Variants in SSBP3 observed in about 807,000 individuals in gnomAD.
SSBP3 encodes single stranded DNA binding protein 3, also known as single-stranded DNA-binding protein 3.
SSBP3 carries 5 observed loss-of-function variants against 69.6 expected under a neutral mutation model. The ratio of observed to expected loss-of-function variants is 0.07; its 90% CI spans 0.04 to 0.15. The LOEUF (loss-of-function observed/expected upper bound fraction) is 0.15. Among genes scored for constraint, SSBP3 ranks in the 10% least tolerant of loss-of-function variants. SSBP3 has a pLI of 1.00. For synonymous variants in SSBP3, 196 were observed against 193.4 expected, an observed-to-expected ratio of 1.01 and a Z score of -0.11; for missense variants, 312 against 534.0, an observed-to-expected ratio of 0.58 and a Z score of 4.10.
chr1:54,344,845 C>T (rs1277778138), intron 4 of SSBP3, among the ~76,000 whole-genome samples: 1 of 152,156 alleles, frequency 6.6e-6, no homozygotes, highest in African/African-American at 2.4e-5. Flanking sequence ...GACATTGTCT[C>T]AAATTAAAAA....
intron 13 of SSBP3, 22 bp downstream of exon 13, chr1:54,240,883 C>T: frequency 1.2e-6 from 2 of 1,613,076 alleles, no homozygotes; most frequent in Non-Finnish European, 1.7e-6. Context: ...AGACCCCCCA[C>T]TTTCCCCTCA....
At chr1:54,228,293 G>T in exon 17 of SSBP3, 1 of 1,614,084 alleles carries the variant, frequency 6.2e-7, no homozygotes, top group Non-Finnish European at 8.5e-7. Flanking sequence ...TTCCCTCCTA[G>T]CTCGCCGTCA....
At chr1:54,257,564 CA>C (rs1338643667) in intron 6 of SSBP3, among the ~76,000 whole-genome samples, 2 of 152,084 alleles carry the variant, frequency 1.3e-5, no homozygotes, top group African/African-American at 4.8e-5. Flanking sequence ...GGCCTGCAGA[CA>C]AAGCTGGACA....
chr1:54,395,136 A>G (rs1648775003), intron 4 of SSBP3, among the ~76,000 whole-genome samples: 1 of 151,948 alleles, frequency 6.6e-6, no homozygotes, highest in African/African-American at 2.4e-5. Flanking sequence ...CAGGATACAT[A>G]CCAAAGAGAA....
At chr1:54,365,964 C>T (rs1312754922) in intron 4 of SSBP3, among the ~76,000 whole-genome samples, 6 of 152,208 alleles carry the variant, frequency 3.9e-5, no homozygotes, top group African/African-American at 7.2e-5. Flanking sequence ...GGAAACTAAT[C>T]GCAGTTCTGA....
intron 4 of SSBP3, among the ~76,000 whole-genome samples, chr1:54,400,525 G>A (rs970332554): frequency 6.6e-6 from 1 of 152,162 alleles, no homozygotes; most frequent in African/African-American, 2.4e-5. Context: ...AAGTGAACCG[G>A]TGGTGACCTC....
intron 4 of SSBP3, among the ~76,000 whole-genome samples, chr1:54,376,015 G>T (rs940863658): frequency 1.1e-4 from 17 of 152,164 alleles, no homozygotes; most frequent in African/African-American, 3.1e-4. Flanking sequence ...AGGGAGGGAG[G>T]GGGAGGAAAG....
intron 4 of SSBP3, among the ~76,000 whole-genome samples, chr1:54,362,865 G>T (rs1569939038): frequency 2.0e-5 from 3 of 152,160 alleles, no homozygotes; most frequent in Non-Finnish European, 4.4e-5. Flanking sequence ...TTCTCTCCCA[G>T]ATAACGGCGA....
chr1:54,391,419 G>T (rs371426281), intron 4 of SSBP3, among the ~76,000 whole-genome samples: 2 of 152,184 alleles, frequency 1.3e-5, no homozygotes. Flanking sequence ...GGCAGGCAGC[G>T]GGCAATAACT....
chr1:54,252,322 A>G (rs1464455278), intron 7 of SSBP3, among the ~76,000 whole-genome samples: 2 of 152,212 alleles, frequency 1.3e-5, no homozygotes, highest in East Asian at 3.8e-4. Flanking sequence ...GGACTGAGAC[A>G]CCCACTACCT....
intron 5 of SSBP3, among the ~76,000 whole-genome samples, chr1:54,274,910 T>G (rs1445895758): frequency 6.8e-6 from 1 of 146,690 alleles, no homozygotes; most frequent in Admixed American, 6.7e-5. Flanking sequence ...ACAGGCTCCC[T>G]CTCGCCTGGC....
At position 54,307,566 on chromosome 1, in the gene SSBP3, A is replaced by G. The variant is rs542685258; in HGVS notation, c.277-26039T>C. Reference sequence around the variant, plus strand: ...TGTGAACCAGAGCAACTCCATCTTGAAAAGGAGCTGGGTAAGATGAGGCTG... The same window carrying G: ...TGTGAACCAGAGCAACTCCATCTTGGAAAGGAGCTGGGTAAGATGAGGCTG... On this transcript the variant is annotated intron_variant, in intron 4 of 17. Transcript: ENST00000610401. Among the ~76,000 whole-genome samples, 3 of 152,316 alleles carry G rather than the reference A, an allele frequency of 2.0e-5. No homozygotes were observed. In the South Asian group the frequency reaches 6.2e-4, roughly 32 times the overall value.
chr1:54,322,105 T>G (rs1646223643), intron 4 of SSBP3, among the ~76,000 whole-genome samples: 1 of 152,208 alleles, frequency 6.6e-6, no homozygotes, highest in Admixed American at 6.5e-5. Flanking sequence ...AGCCTTTCCA[T>G]GTCATTTATG....
At chr1:54,292,428 C>T (rs1484219646) in intron 4 of SSBP3, among the ~76,000 whole-genome samples, 3 of 152,146 alleles carry the variant, frequency 2.0e-5, no homozygotes, top group Non-Finnish European at 4.4e-5. Context: ...GGGTGAGCCC[C>T]CAAGCTACAG....
At chr1:54,321,639 C>T (rs1646215783) in intron 4 of SSBP3, among the ~76,000 whole-genome samples, 2 of 152,232 alleles carry the variant, frequency 1.3e-5, no homozygotes, top group South Asian at 4.1e-4. Context: ...CCTAGAGTTC[C>T]CGTGCAAGTC....
chr1:54,242,058 G>T, intron 11 of SSBP3, 106 bp downstream of exon 11: 1 of 1,309,156 alleles, frequency 7.6e-7, no homozygotes, highest in Non-Finnish European at 1.1e-6. Flanking sequence ...GGAGAGTCCT[G>T]CTGCATCTCC....
chr1:54,346,540 C>T (rs968480827), intron 4 of SSBP3, among the ~76,000 whole-genome samples: 14 of 152,060 alleles, frequency 9.2e-5, no homozygotes, highest in African/African-American at 2.9e-4. Context: ...CCTGGCTAGG[C>T]GCGGTGGCTC....
chr1:54,398,745 C>G (rs777067365), intron 4 of SSBP3, among the ~76,000 whole-genome samples: 1 of 152,132 alleles, frequency 6.6e-6, no homozygotes, highest in South Asian at 2.1e-4. Flanking sequence ...TCCCATGACC[C>G]GGGGGACCTC....
At chr1:54,229,181 G>T (rs910387304) in intron 14 of SSBP3, among the ~76,000 whole-genome samples, 1 of 152,226 alleles carries the variant, frequency 6.6e-6, no homozygotes, top group Admixed American at 6.5e-5. Flanking sequence ...AGGCACATGT[G>T]GACAGCTCTC....
Sources: allele counts gnomAD v4.1 joint callset (sites outside exome capture counted in the v4.1 genomes callset), GRCh38; gene constraint gnomAD v4.1.1; transcripts MANE v1.5; gene names NCBI Gene and HGNC (gene_info 2026-07-23, HGNC 2026-07-21).